Variants in MORN5 observed in about 807,000 individuals in gnomAD.
The protein encoded by MORN5 is MORN repeat containing 5, also known as MORN repeat-containing protein 5.
Under a neutral mutation model 22.1 loss-of-function variants are expected in MORN5, and 21 were observed. The ratio of observed to expected loss-of-function variants is 0.95; its 90% CI spans 0.67 to 1.37. The LOEUF (loss-of-function observed/expected upper bound fraction) is 1.37. Ranked by LOEUF, MORN5 falls within the 40% of genes most tolerant of loss-of-function variation. The pLI, the probability that MORN5 is intolerant of heterozygous loss-of-function variation, is 0.00. For missense variants in MORN5, 211 were observed against 215.1 expected, an observed-to-expected ratio of 0.98 and a Z score of 0.12; for synonymous variants, 73 against 74.0, an observed-to-expected ratio of 0.99 and a Z score of 0.07.
chr9:122,187,842 G>C (rs373477660), intron 4 of MORN5, among the ~76,000 whole-genome samples: 214 of 152,336 alleles, frequency 1.4e-3, no homozygotes, highest in African/African-American at 4.8e-3. Context: ...TACACACACA[G>C]AGAAGAGCAT....
intron 4 of MORN5, among the ~76,000 whole-genome samples, chr9:122,178,636 A>T (rs1318126829): frequency 1.3e-5 from 2 of 152,238 alleles, no homozygotes; most frequent in African/African-American, 4.8e-5. Flanking sequence ...GGCTGTAGTT[A>T]ATATTCATAA....
In MORN5 at chr9:122,174,520, A is replaced by T; in HGVS notation, c.332A>T (p.Asp111Val). Residue 111 changes from aspartate to valine, a missense_variant, in exon 4 of 5, where the codon GAC (aspartate) becomes GTC (valine). Asp to Val is a radical substitution (Grantham distance 152, BLOSUM62 -3). Coordinates refer to ENST00000373764, the MANE Select transcript of MORN5 (RefSeq NM_198469.4). ...PAGMAQLTNM[D>V]PPRKIPKGYY... The stretch of plus-strand genomic sequence containing the variant: ...GGTATGGCTCAACTCACCAATATGG[A>T]CCCACCTAGAAAAATCCCCAAGGGC... The T allele has an allele frequency of 6.2e-7, 1 of 1,614,058 alleles. No homozygotes were observed. The highest frequency in any genetic ancestry group is 8.5e-7 in the Non-Finnish European group (1 of 1,180,010).
At chr9:122,163,792 T>G (rs1218605487) in intron 1 of MORN5, among the ~76,000 whole-genome samples, 1 of 152,208 alleles carries the variant, frequency 6.6e-6, no homozygotes, top group Non-Finnish European at 1.5e-5. Context: ...GAAATAAAAC[T>G]TATTTCATCT....
chr9:122,180,868 G>A (rs1430295023), intron 4 of MORN5, among the ~76,000 whole-genome samples: 1 of 152,134 alleles, frequency 6.6e-6, no homozygotes, highest in African/African-American at 2.4e-5. Context: ...CAGGGACCAC[G>A]TGACTACGTC....
chr9:122,187,887 A>G (rs180747778), intron 4 of MORN5, among the ~76,000 whole-genome samples: 70 of 152,304 alleles, frequency 4.6e-4, no homozygotes, highest in Non-Finnish European at 9.0e-4. Flanking sequence ...GATGTCCTGG[A>G]AAAGGTGGAG....
At chr9:122,199,784 A>G in intron 4 of MORN5, 101 bp from the exon 5 acceptor site, 1 of 1,076,728 alleles carries the variant, frequency 9.3e-7, no homozygotes, top group Non-Finnish European at 1.4e-6. Flanking sequence ...CTGGCCATCG[A>G]CGGACCATCC....
At chr9:122,166,511 T>C (rs1041900439) in intron 1 of MORN5, among the ~76,000 whole-genome samples, 1 of 152,034 alleles carries the variant, frequency 6.6e-6, no homozygotes, top group South Asian at 2.1e-4. Flanking sequence ...GGGGGTTTAT[T>C]TCAGGGAGCA....
chr9:122,171,380 T>A (rs528610431), intron 3 of MORN5, among the ~76,000 whole-genome samples: 1 of 152,278 alleles, frequency 6.6e-6, no homozygotes, highest in South Asian at 2.1e-4. Flanking sequence ...GCTATTTTCC[T>A]CCTATCCCCA....
intron 4 of MORN5, among the ~76,000 whole-genome samples, chr9:122,176,606 G>A (rs1829455889): frequency 6.6e-6 from 1 of 152,128 alleles, no homozygotes; most frequent in African/African-American, 2.4e-5. Flanking sequence ...GAGGCAGGAC[G>A]CCGTGGCTCA....
intron 4 of MORN5, among the ~76,000 whole-genome samples, chr9:122,178,516 A>G (rs1425883266): frequency 2.6e-5 from 4 of 152,208 alleles, no homozygotes; most frequent in African/African-American, 9.6e-5. Context: ...ATGTGCATAT[A>G]GATTAATAAA....
chr9:122,192,078 A>C (rs1829781269), intron 4 of MORN5, among the ~76,000 whole-genome samples: 1 of 152,206 alleles, frequency 6.6e-6, no homozygotes, highest in Non-Finnish European at 1.5e-5. Context: ...AACCTGCTAC[A>C]AAGACGAGGA....
chr9:122,176,138 G>T (rs1018376504), intron 4 of MORN5, among the ~76,000 whole-genome samples: 1 of 143,652 alleles, frequency 7.0e-6, no homozygotes, highest in Non-Finnish European at 1.5e-5. Context: ...AAAAAAAAAA[G>T]AGCAAGGAGA....
chr9:122,169,406 A>G (rs1048500350), intron 2 of MORN5, among the ~76,000 whole-genome samples: 1 of 152,240 alleles, frequency 6.6e-6, no homozygotes, highest in African/African-American at 2.4e-5. Flanking sequence ...GAAGGGCCAG[A>G]GAGAGTGGGT....
In MORN5 at chr9:122,199,925, G is replaced by A; in HGVS notation, c.480G>A (p.Lys160=). The A allele has an allele frequency of 6.2e-7, 1 of 1,614,026 alleles. No homozygotes were observed. Among genetic ancestry groups the A allele is most frequent in the Non-Finnish European group, 8.5e-7 (1 of 1,179,918 alleles). ...EHEWITRTCR[K]G ...AGTGGATCACCCGTACCTGTCGAAA[G>A]GGCTAGGATGAGATCGTGGGTCACA... The change falls in exon 5 of 5, where the codon AAG becomes AAA. Residue 160 remains lysine, a synonymous_variant. Coordinates refer to ENST00000373764, the MANE Select transcript of MORN5 (RefSeq NM_198469.4).
chr9:122,191,568 G>C (rs531616860), intron 4 of MORN5, among the ~76,000 whole-genome samples: 2 of 152,330 alleles, frequency 1.3e-5, no homozygotes, highest in African/African-American at 4.8e-5. Context: ...ACTCTCCCAA[G>C]GCAGACGCTT....
intron 2 of MORN5, among the ~76,000 whole-genome samples, chr9:122,167,353 C>CTTTTTT (rs61672512): frequency 2.9e-5 from 3 of 104,550 alleles, no homozygotes; most frequent in Non-Finnish European, 3.7e-5. Flanking sequence ...CGCACCTGAC[C>CTTTTTT]TTTTTTTTTT....
chr9:122,161,366 T>A (rs954377438), intron 1 of MORN5, among the ~76,000 whole-genome samples: 1 of 152,232 alleles, frequency 6.6e-6, no homozygotes, highest in African/African-American at 2.4e-5. Flanking sequence ...AAGATGTTAT[T>A]ATCTTTCCAG....
chr9:122,183,268 C>T (rs1406458779), intron 4 of MORN5, among the ~76,000 whole-genome samples: 1 of 152,214 alleles, frequency 6.6e-6, no homozygotes, highest in Admixed American at 6.5e-5. Context: ...CCCCCTCCTA[C>T]ACGTCCCTGT....
intron 3 of MORN5, among the ~76,000 whole-genome samples, chr9:122,171,702 T>C (rs1829367626): frequency 6.6e-6 from 1 of 152,170 alleles, no homozygotes. Context: ...TAGGTAAGCC[T>C]AATCCTCCCT....
Sources: gnomAD v4.1 joint callset for allele counts (sites outside exome capture counted in the v4.1 genomes callset) on GRCh38, gnomAD v4.1.1 for gene constraint, MANE v1.5 for transcripts, NCBI Gene and HGNC (gene_info 2026-07-23, HGNC 2026-07-21) for gene names.